DNAJC13: variants seen among roughly 807,000 people sequenced by gnomAD.
DNAJC13 encodes DnaJ heat shock protein family (Hsp40) member C13, also known as dnaJ homolog subfamily C member 13.
Under a neutral mutation model 290.5 loss-of-function variants are expected in DNAJC13, and 75 were observed. That is an observed-to-expected ratio of 0.26 (90% confidence interval 0.21 to 0.31). The LOEUF (loss-of-function observed/expected upper bound fraction) is 0.31, where lower values mean the gene tolerates loss of function less well. Ranked by LOEUF, DNAJC13 falls within the 10% of genes least tolerant of loss-of-function variation. The probability of loss-of-function intolerance (pLI) is 1.00; values close to 1 mark genes in which losing one functional copy is unlikely to be tolerated. For synonymous variants in DNAJC13, 862 were observed against 892.0 expected, an observed-to-expected ratio of 0.97 and a Z score of 0.60; for missense variants, 2,260 against 2,674.5, an observed-to-expected ratio of 0.85 and a Z score of 3.42.
rs766564396 is a variant in DNAJC13, at chr3:132,502,253, C to G, written c.4537-36C>G. 1.7e-5 allele frequency: 23 copies of G among 1,353,388 alleles called. No homozygotes were observed. The South Asian group carries it at 3.5e-4, about 21-fold the overall frequency. 83.8% of individuals were successfully genotyped at this position (1,353,388 alleles called of 1,614,324 possible). On this transcript the variant is annotated intron_variant, in intron 39 of 55. Transcript: ENST00000260818. ...GGAGCTTTTTTTTTTTTTTTTAACT[C>G]TGTAACAACTAATGCTCTCATTTTT... is the stretch of plus-strand genomic sequence containing the variant.
intron 53 of DNAJC13, 107 bp from the exon 54 acceptor site, chr3:132,528,082 C>T (rs1050499685): frequency 4.8e-5 from 57 of 1,182,748 alleles, no homozygotes; most frequent in African/African-American, 7.6e-5. Context: ...CATTAAAATA[C>T]GGTGCAACAG....
intron 19 of DNAJC13, among the ~76,000 whole-genome samples, chr3:132,466,913 C>T (rs1329047830): frequency 6.6e-6 from 1 of 152,118 alleles, no homozygotes; most frequent in Non-Finnish European, 1.5e-5. Flanking sequence ...CTTTTTCTGT[C>T]ATCACTCCTT....
At chr3:132,487,382 G>A (rs956257378) in intron 29 of DNAJC13, among the ~76,000 whole-genome samples, 5 of 151,648 alleles carry the variant, frequency 3.3e-5, no homozygotes, top group Non-Finnish European at 5.9e-5. Flanking sequence ...TCAGCCTCCC[G>A]AGTAGCTGGG....
intron 42 of DNAJC13, among the ~76,000 whole-genome samples, chr3:132,506,045 CTTTTTTTTTTTT>C (rs573857472): frequency 2.8e-5 from 2 of 72,648 alleles, no homozygotes; most frequent in Non-Finnish European, 5.4e-5. Context: ...TGTACATTAT[CTTTTTTTTTTTT>C]TTTTTTTTTT....
rs76052137 is a variant in DNAJC13 at position 132,478,764 on chromosome 3, T to C, written c.2710-463T>C. On this transcript the variant is annotated intron_variant, in intron 24 of 55. Coordinates refer to ENST00000260818, the MANE Select transcript of DNAJC13 (RefSeq NM_015268.4). ...AGACCTTGTCTCAAAAAAAATTTTT[T>C]TATTTTAAGAATTTGTCATTTAACA... Among the ~76,000 whole-genome samples the C allele has an allele frequency of 6.0e-3, 915 of 152,294 alleles. 9 individuals are homozygous for C. Among genetic ancestry groups the C allele is most frequent in the East Asian group, 0.029 (152 of 5,180 alleles).
rs1235828650 is a variant in DNAJC13, at chr3:132,506,076, A to T, written c.4998+661A>T. Among the ~76,000 whole-genome samples, 15 of 43,608 alleles carry T rather than the reference A, an allele frequency of 3.4e-4. No individual in the cohort carries two copies. The South Asian group carries it at 0.015, about 45-fold the overall frequency. The allele number at this position is 43,608 out of a possible 152,430, so 28.6% of individuals were successfully genotyped here. ...TTTTTTTTTTTTTTTTTTGAGATGG[A>T]ATTTTGCTCTTGTTGGCTCAGGCTG... On this transcript the variant is annotated intron_variant, in intron 42 of 55. Transcript: ENST00000260818.
chr3:132,492,351 A>T, intron 32 of DNAJC13, 63 bp from the exon 33 acceptor site: 1 of 1,506,272 alleles, frequency 6.6e-7, no homozygotes. Flanking sequence ...ATGATTATGT[A>T]TCTCAACCTT....
chr3:132,514,703 G>A, intron 46 of DNAJC13, 33 bp downstream of exon 46: 1 of 1,489,974 alleles, frequency 6.7e-7, no homozygotes, highest in East Asian at 2.3e-5. Flanking sequence ...GGAAACCACA[G>A]CAAGATTAGC....
chr3:132,427,808 G>T (rs771935176), intron 1 of DNAJC13, among the ~76,000 whole-genome samples: 45 of 151,218 alleles, frequency 3.0e-4, no homozygotes, highest in Non-Finnish European at 5.9e-4. Flanking sequence ...CTTTTTTTGG[G>T]TTATCTCATT....
chr3:132,491,079 G>A (rs763781880), intron 32 of DNAJC13, 28 bp downstream of exon 32: 16 of 1,550,458 alleles, frequency 1.0e-5, no homozygotes, highest in Non-Finnish European at 1.3e-5. Flanking sequence ...TGATTGATTT[G>A]TATTTTATAA....
At chr3:132,433,410 G>T (rs1292880876) in intron 1 of DNAJC13, among the ~76,000 whole-genome samples, 2 of 151,806 alleles carry the variant, frequency 1.3e-5, no homozygotes, top group African/African-American at 4.8e-5. Flanking sequence ...CTGAAAAGTA[G>T]CTAGGAGTGT....
chr3:132,482,985 A>C (rs1934729623), intron 27 of DNAJC13, among the ~76,000 whole-genome samples: 1 of 152,204 alleles, frequency 6.6e-6, no homozygotes, highest in South Asian at 2.1e-4. Context: ...TCCAAGAGCT[A>C]AGGACAGTTT....
intron 55 of DNAJC13, among the ~76,000 whole-genome samples, chr3:132,536,934 G>GA (rs760767114): frequency 6.2e-4 from 95 of 152,236 alleles, no homozygotes; most frequent in Non-Finnish European, 1.3e-3. Context: ...CACTCTGGTT[G>GA]GCTTCAGTTA....
chr3:132,493,213 G>C (rs1220789817), intron 33 of DNAJC13, among the ~76,000 whole-genome samples: 1 of 151,912 alleles, frequency 6.6e-6, no homozygotes, highest in Admixed American at 6.6e-5. Flanking sequence ...GGCCTGTCCA[G>C]AGTGCCCTTG....
At position 132,505,357 on chromosome 3, in the gene DNAJC13, C is replaced by T; in HGVS notation, c.4940C>T (p.Ser1647Phe). 6.2e-7 allele frequency: 1 copy of T among 1,611,498 alleles called. No individual in the cohort carries two copies. Among genetic ancestry groups the T allele is most frequent in the Admixed American group, 1.7e-5 (1 of 59,596 alleles). ...AGTCCATATTTGATATGGAACAATTCTACAAGAGCAGAATTACTTGAATTT... is the reference window on the plus strand; with the variant it reads ...AGTCCATATTTGATATGGAACAATTTTACAAGAGCAGAATTACTTGAATTT... ...TESPYLIWNN[S>F]TRAELLEFLE... is the part of the protein sequence containing the mutation. Residue 1647 changes from serine (S) to phenylalanine (F), a missense_variant, in exon 42 of 56, where the codon TCT becomes TTT. Transcript: ENST00000260818.
At chr3:132,427,106 C>CAT (rs1559863839) in intron 1 of DNAJC13, among the ~76,000 whole-genome samples, 6 of 123,528 alleles carry the variant, frequency 4.9e-5, no homozygotes, top group African/African-American at 2.0e-4. Flanking sequence ...TGTGTGTGCA[C>CAT]GTGTGTGTGT....
At chr3:132,538,106 A>G in intron 55 of DNAJC13, 70 bp from the exon 56 acceptor site, 1 of 1,325,610 alleles carries the variant, frequency 7.5e-7, no homozygotes, top group South Asian at 1.2e-5. Context: ...AGGTTCTGAC[A>G]TTTTTATAAA....
chr3:132,501,582 GA>G (rs74269442), intron 39 of DNAJC13, among the ~76,000 whole-genome samples: 1 of 147,594 alleles, frequency 6.8e-6, no homozygotes, highest in Non-Finnish European at 1.5e-5. Flanking sequence ...AAAAAAAAAA[GA>G]AAAAAAAACA....
intron 6 of DNAJC13, among the ~76,000 whole-genome samples, chr3:132,451,411 A>G (rs944741826): frequency 6.6e-6 from 1 of 152,206 alleles, no homozygotes; most frequent in Admixed American, 6.5e-5. Context: ...TGAAACTTCA[A>G]TCTGGAATTC....
Sources: allele counts gnomAD v4.1 joint callset (sites outside exome capture counted in the v4.1 genomes callset), GRCh38; gene constraint gnomAD v4.1.1; transcripts MANE v1.5; gene names NCBI Gene and HGNC (gene_info 2026-07-23, HGNC 2026-07-21).